CSMD2: variants seen among roughly 807,000 people sequenced by gnomAD.
The protein encoded by CSMD2 is CUB and sushi domain-containing protein 2.
CSMD2 carries 130 observed loss-of-function variants against 398.5 expected under a neutral mutation model. That is an observed-to-expected ratio of 0.33 (90% confidence interval 0.28 to 0.38). CSMD2 has a LOEUF of 0.38. CSMD2 is among the 10% of genes least tolerant of loss of function. The probability of loss-of-function intolerance (pLI) is 1.00; values close to 1 mark genes in which losing one functional copy is unlikely to be tolerated. For missense variants in CSMD2, 3,829 were observed against 4,764.9 expected (o/e 0.80, Z 5.78); for synonymous variants, 1,828 against 1,908.5 (o/e 0.96, Z 1.10).
rs1653780705 is a variant in CSMD2 at position 33,516,532 on chromosome 1, A to C, written c.*92T>G. 6.6e-6 allele frequency: 1 copy of C among 152,402 alleles called. No homozygotes were observed. Among genetic ancestry groups the C allele is most frequent in the Admixed American group, 6.5e-5 (1 of 15,290 alleles). The allele number at this position is 152,402 out of a possible 1,614,324, so 9.4% of individuals were successfully genotyped here. On this transcript the variant is annotated 3_prime_UTR_variant, in exon 71 of 71. Transcript: ENST00000373381. The stretch of plus-strand genomic sequence containing the variant: ...AGACGAACGAAGATGGGCACTGGGC[A>C]CTGTGCTCAGGGGAGCCTACTTCCT...
In CSMD2 at chr1:33,819,640, C is replaced by T. The variant is rs564421006; in HGVS notation, c.1324+73G>A. On this transcript the variant is annotated intron_variant, in intron 9 of 70. Transcript: ENST00000373381. ...TGCTTGAGAGCCTGGGCCTCAGGTG[C>T]TGGGAGCTGGGCTTCAGCCTCCAGG... 9 of 1,446,170 alleles carry T rather than the reference C, an allele frequency of 6.2e-6. No individual in the cohort carries two copies. In the South Asian group the frequency reaches 1.1e-4, roughly 18 times the overall value. The allele number at this position is 1,446,170 out of a possible 1,614,324, so 89.6% of individuals were successfully genotyped here. A position where few individuals can be genotyped will look rare whatever the true frequency, so the allele number is the denominator to read the frequency against.
At chr1:33,740,401 G>GA (rs201614543) in intron 14 of CSMD2, among the ~76,000 whole-genome samples, 2 of 151,582 alleles carry the variant, frequency 1.3e-5, no homozygotes, top group African/African-American at 4.8e-5. Flanking sequence ...TGGGCCACTT[G>GA]AAAAAAAAAT....
intron 54 of CSMD2, 31 bp from the exon 55 acceptor site, chr1:33,557,953 G>A (rs1658190841): frequency 6.6e-6 from 10 of 1,516,280 alleles, no homozygotes; most frequent in Non-Finnish European, 8.8e-6. Context: ...AAACAGGCAT[G>A]GATTCCCAGT....
At position 34,076,944 on chromosome 1, in the gene CSMD2, T is replaced by A. The variant is rs534694049; in HGVS notation, c.404+12033A>T. 3.6e-3 allele frequency among the ~76,000 whole-genome samples: 390 copies of A among 108,580 alleles called. 9 individuals are homozygous for A. The highest frequency in any genetic ancestry group is 0.014 in the African/African-American group (355 of 25,382). The allele number at this position is 108,580 out of a possible 152,430, so 71.2% of individuals were successfully genotyped here. On this transcript the variant is annotated intron_variant, in intron 2 of 70. Transcript: ENST00000373381. Reference sequence around the variant, plus strand: ...AAAAAAAAAAATATATATATATATATATATATATATATAGAAGGCTTGACT... The same window carrying A: ...AAAAAAAAAAATATATATATATATAAATATATATATATAGAAGGCTTGACT...
intron 24 of CSMD2, among the ~76,000 whole-genome samples, chr1:33,697,628 C>T (rs922000546): frequency 6.6e-6 from 1 of 152,214 alleles, no homozygotes; most frequent in African/African-American, 2.4e-5. Flanking sequence ...CCTTCCTCTC[C>T]CTCCTGTTGG....
chr1:34,021,503 A>G (rs1027090863), intron 3 of CSMD2, among the ~76,000 whole-genome samples: 4 of 152,084 alleles, frequency 2.6e-5, no homozygotes, highest in Admixed American at 2.6e-4. Flanking sequence ...AGGGGCTGGG[A>G]GTGGGCTGGC....
At chr1:33,667,313 A>G (rs1427128645) in intron 25 of CSMD2, among the ~76,000 whole-genome samples, 2 of 152,218 alleles carry the variant, frequency 1.3e-5, no homozygotes, top group African/African-American at 4.8e-5. Flanking sequence ...ACGTGTTTCC[A>G]TAACAACCAC....
chr1:33,922,365 G>C (rs1281957287), intron 4 of CSMD2, among the ~76,000 whole-genome samples: 4 of 152,168 alleles, frequency 2.6e-5, no homozygotes, highest in Non-Finnish European at 2.9e-5. Context: ...AAACATTAGA[G>C]GGGGAGGGAG....
intron 44 of CSMD2, chr1:33,592,347 C>T: frequency 1.4e-6 from 1 of 714,698 alleles, no homozygotes; most frequent in South Asian, 1.5e-5. Flanking sequence ...CTCTTGGGTC[C>T]TATTTCAACT....
At chr1:33,914,027 G>A (rs953670242) in intron 5 of CSMD2, among the ~76,000 whole-genome samples, 9 of 152,232 alleles carry the variant, frequency 5.9e-5, no homozygotes, top group African/African-American at 1.9e-4. Context: ...TCCCCATATT[G>A]TTAAAAGGGT....
intron 42 of CSMD2, among the ~76,000 whole-genome samples, chr1:33,604,654 G>A (rs939308902): frequency 2.0e-5 from 3 of 152,210 alleles, no homozygotes; most frequent in Non-Finnish European, 4.4e-5. Context: ...ATGCCAGAAT[G>A]AAGAGGGAAG....
At position 33,516,124 on chromosome 1, in the gene CSMD2, C is replaced by CATGTCG. The variant is rs1167062497; in HGVS notation, c.*499_*500insCGACAT. ...GTTACAGTCACCGAGTCACCATGTC[C>CATGTCG]TCACACATGGGATGGGCGGGGGGCA... is the stretch of plus-strand genomic sequence containing the variant. On this transcript the variant is annotated 3_prime_UTR_variant, in exon 71 of 71. Coordinates refer to ENST00000373381, the MANE Select transcript of CSMD2 (RefSeq NM_001281956.2). 6.6e-6 allele frequency: 1 copy of CATGTCG among 152,210 alleles called. No individual in the cohort carries two copies. Among genetic ancestry groups the CATGTCG allele is most frequent in the Non-Finnish European group, 1.5e-5 (1 of 68,088 alleles). 9.4% of individuals were successfully genotyped at this position (152,210 alleles called of 1,614,324 possible). A position where few individuals can be genotyped will look rare whatever the true frequency, so the allele number is the denominator to read the frequency against.
At position 34,147,667 on chromosome 1, in the gene CSMD2, T is replaced by C. The variant is rs931670283; in HGVS notation, c.187+17244A>G. On this transcript the variant is annotated intron_variant, in intron 1 of 70. Transcript: ENST00000373381. ...GGGTGCAGTCAGGGAGGGGCTGTTT[T>C]TTAGTGTATTATTAAGACACAAAGA... Among the ~76,000 whole-genome samples, 6 of 150,834 alleles carry C rather than the reference T, an allele frequency of 4.0e-5. No individual in the cohort carries two copies. The East Asian group carries it at 1.2e-3, about 30-fold the overall frequency.
intron 12 of CSMD2, among the ~76,000 whole-genome samples, chr1:33,781,946 C>G (rs1652825048): frequency 6.6e-6 from 1 of 151,520 alleles, no homozygotes; most frequent in Admixed American, 6.6e-5. Context: ...TTCTGGGAAG[C>G]AAATGCCCCA....
intron 15 of CSMD2, among the ~76,000 whole-genome samples, chr1:33,736,201 C>T (rs1281772590): frequency 6.6e-6 from 1 of 152,186 alleles, no homozygotes; most frequent in Non-Finnish European, 1.5e-5. Context: ...ACCTTTTTAA[C>T]TTTAAAATGA....
At chr1:33,972,046 C>T (rs149913656) in intron 3 of CSMD2, among the ~76,000 whole-genome samples, 4 of 152,270 alleles carry the variant, frequency 2.6e-5, no homozygotes, top group African/African-American at 9.6e-5. Context: ...CTAACATTCA[C>T]GACAGCCACC....
At chr1:33,524,732 T>C (rs1654617095) in intron 66 of CSMD2, 150 bp downstream of exon 66, 2 of 696,240 alleles carry the variant, frequency 2.9e-6, no homozygotes, top group East Asian at 2.8e-5. Flanking sequence ...TGCTTTATCA[T>C]GTAAAGATGA....
rs558942500 is a variant in CSMD2 at position 34,046,468 on chromosome 1, C to A, written c.405-13762G>T. ...GCACCGTGGAAACATTACTGAGACACTAATGGCACCTAAGAAACTTTGGGA... is the reference window on the plus strand; with the variant it reads ...GCACCGTGGAAACATTACTGAGACAATAATGGCACCTAAGAAACTTTGGGA... On this transcript the variant is annotated intron_variant, in intron 2 of 70. Transcript: ENST00000373381. 3.7e-4 allele frequency among the ~76,000 whole-genome samples: 56 copies of A among 152,280 alleles called. 1 individual carries two copies. The East Asian group carries it at 4.8e-3, about 13-fold the overall frequency.
chr1:33,885,980 G>T (rs1311779628), intron 5 of CSMD2, among the ~76,000 whole-genome samples: 3 of 152,062 alleles, frequency 2.0e-5, no homozygotes, highest in Non-Finnish European at 4.4e-5. Flanking sequence ...GTTATTAAAA[G>T]GGTTAAGACA....
Sources: allele counts gnomAD v4.1 joint callset (sites outside exome capture counted in the v4.1 genomes callset), GRCh38; gene constraint gnomAD v4.1.1; transcripts MANE v1.5; gene names NCBI Gene and HGNC (gene_info 2026-07-23, HGNC 2026-07-21).